Variants in ALPK2 observed in about 807,000 individuals in gnomAD.
The protein encoded by ALPK2 is alpha-protein kinase 2.
A neutral mutation model predicts 163.1 loss-of-function variants in ALPK2; 127 were observed. That is an observed-to-expected ratio of 0.78 (90% CI 0.67 to 0.90). The LOEUF (loss-of-function observed/expected upper bound fraction) is 0.90. ALPK2 is among the 40% of genes least tolerant of loss of function. ALPK2 has a pLI of 0.00. For synonymous variants in ALPK2, 953 were observed against 959.1 expected, an observed-to-expected ratio of 0.99 and a Z score of 0.12; for missense variants, 2,360 against 2,589.6, an observed-to-expected ratio of 0.91 and a Z score of 1.92.
intron 3 of ALPK2, among the ~76,000 whole-genome samples, chr18:58,606,274 C>G (rs1334787068): frequency 6.6e-6 from 1 of 152,064 alleles, no homozygotes; most frequent in African/African-American, 2.4e-5. Context: ...GAGATGAAGT[C>G]TCACTGTGTT....
chr18:58,600,688 T>C (rs1425561832), intron 3 of ALPK2: 2 of 152,308 alleles, frequency 1.3e-5, no homozygotes, highest in South Asian at 2.1e-4. Context: ...CATGTTAGAG[T>C]TCTAGTGGAA....
intron 5 of ALPK2, among the ~76,000 whole-genome samples, chr18:58,531,648 G>GGA (rs1555667370): frequency 4.8e-5 from 5 of 103,582 alleles, no homozygotes; most frequent in South Asian, 3.6e-4. Context: ...GTGATAAGTT[G>GGA]AAAAAAAAAA....
chr18:58,568,631 C>T (rs2051869247), intron 4 of ALPK2, among the ~76,000 whole-genome samples: 1 of 152,258 alleles, frequency 6.6e-6, no homozygotes, highest in African/African-American at 2.4e-5. Flanking sequence ...GTGGATTCAA[C>T]CAATCATGGA....
chr18:58,541,911 G>T (rs1462619756), intron 4 of ALPK2, among the ~76,000 whole-genome samples: 1 of 152,154 alleles, frequency 6.6e-6, no homozygotes, highest in Non-Finnish European at 1.5e-5. Context: ...TTCCCAATGA[G>T]TCAGACCTTT....
intron 4 of ALPK2, among the ~76,000 whole-genome samples, chr18:58,545,527 G>A (rs1220909278): frequency 6.6e-6 from 1 of 152,186 alleles, no homozygotes; most frequent in Admixed American, 6.5e-5. Flanking sequence ...GTAGAGTGGG[G>A]GAGGGAGAAT....
intron 11 of ALPK2, among the ~76,000 whole-genome samples, chr18:58,498,546 G>A (rs2051413171): frequency 1.3e-5 from 2 of 152,218 alleles, no homozygotes; most frequent in Admixed American, 6.5e-5. Context: ...GATAGTCAAT[G>A]CCAATAGCAA....
chr18:58,570,761 C>A (rs1283185193), intron 4 of ALPK2, among the ~76,000 whole-genome samples: 1 of 152,236 alleles, frequency 6.6e-6, no homozygotes, highest in East Asian at 1.9e-4. Context: ...CTTGCTCATT[C>A]TTTCCAAATA....
At chr18:58,485,741 C>G (rs1258901706) in intron 12 of ALPK2, among the ~76,000 whole-genome samples, 1 of 152,212 alleles carries the variant, frequency 6.6e-6, no homozygotes, top group Non-Finnish European at 1.5e-5. Context: ...TGGTGAGACG[C>G]AGGGCCTGCT....
intron 8 of ALPK2, among the ~76,000 whole-genome samples, 175 bp from the exon 9 acceptor site, chr18:58,517,357 G>T: frequency 6.6e-6 from 1 of 152,170 alleles, no homozygotes; most frequent in East Asian, 1.9e-4. Flanking sequence ...AGAGATGAGT[G>T]GTTTGGTGAG....
chr18:58,483,326 C>T (rs2051321184), intron 12 of ALPK2, among the ~76,000 whole-genome samples: 1 of 152,186 alleles, frequency 6.6e-6, no homozygotes, highest in South Asian at 2.1e-4. Context: ...ATATCTCCTG[C>T]TTAAAATCCC....
At chr18:58,543,929 C>A (rs1207824769) in intron 4 of ALPK2, among the ~76,000 whole-genome samples, 1 of 152,118 alleles carries the variant, frequency 6.6e-6, no homozygotes, top group Non-Finnish European at 1.5e-5. Flanking sequence ...TGGGAACTTC[C>A]CCTAATTTAA....
Position 58,536,962 on chromosome 18 carries a change from C to T in ALPK2, c.3225G>A (p.Arg1075=), listed in dbSNP as rs760088961. The change falls in exon 5 of 13, where the codon AGG becomes AGA. Residue 1075 remains arginine, a synonymous_variant. Coordinates refer to ENST00000361673, the MANE Select transcript of ALPK2 (RefSeq NM_052947.4). ...GTGGGACTCCTGGCACACTGGGTGC[C>T]CTGCAAAGTAGCTCTTTTGTAGATT... The part of the protein sequence containing the change: ...TIKSTKELLC[R]APSVPGVPHH... 28 of 1,614,024 alleles carry T rather than the reference C, an allele frequency of 1.7e-5. No individual in the cohort carries two copies. Among genetic ancestry groups the T allele is most frequent in the Non-Finnish European group, 2.1e-5 (25 of 1,180,026 alleles).
intron 1 of ALPK2, among the ~76,000 whole-genome samples, chr18:58,618,208 G>A (rs1453469115): frequency 6.6e-6 from 1 of 152,092 alleles, no homozygotes; most frequent in Admixed American, 6.6e-5. Flanking sequence ...ACCATGCCTG[G>A]CTAATTTTTT....
intron 12 of ALPK2, among the ~76,000 whole-genome samples, chr18:58,483,412 T>C (rs1409044721): frequency 6.6e-6 from 1 of 152,188 alleles, no homozygotes; most frequent in Non-Finnish European, 1.5e-5. Flanking sequence ...TCCCAACCCA[T>C]TGACCTCTTC....
In ALPK2 at chr18:58,481,667, G is replaced by GGT; in HGVS notation, c.*154_*155dup. The GGT allele has an allele frequency of 1.6e-6, 1 of 635,474 alleles. No individual in the cohort carries two copies. The highest frequency in any genetic ancestry group is 2.8e-6 in the Non-Finnish European group (1 of 354,774). 39.4% of individuals were successfully genotyped at this position (635,474 alleles called of 1,614,324 possible). A position where few individuals can be genotyped will look rare whatever the true frequency, so the allele number is the denominator to read the frequency against. ...TGAAATCATTTGAGTGAAGACAGCAGGTGATGGGTTTAGAAGCATCTTGGC... is the reference window on the plus strand; with the variant it reads ...TGAAATCATTTGAGTGAAGACAGCAGGTGTGATGGGTTTAGAAGCATCTTGGC... On this transcript the variant is annotated 3_prime_UTR_variant, in exon 13 of 13. Transcript: ENST00000361673.
chr18:58,519,867 T>C (rs1030059060), intron 8 of ALPK2, among the ~76,000 whole-genome samples: 2 of 152,184 alleles, frequency 1.3e-5, no homozygotes, highest in Non-Finnish European at 2.9e-5. Flanking sequence ...GAGCGCGTCC[T>C]CTTGGTTAGA....
Position 58,495,892 on chromosome 18 carries a change from G to C in ALPK2, c.6296+2157C>G, listed in dbSNP as rs141515600. On this transcript the variant is annotated intron_variant, in intron 12 of 12. Transcript: ENST00000361673. Reference sequence around the variant, plus strand: ...TCACATGCCCACAGTCACACAGCTGGTATGACGAGAAGCCAGGATTCAAAC... The same window carrying C: ...TCACATGCCCACAGTCACACAGCTGCTATGACGAGAAGCCAGGATTCAAAC... 2.5e-3 allele frequency among the ~76,000 whole-genome samples: 378 copies of C among 152,294 alleles called. 6 individuals are homozygous for C. The highest frequency in any genetic ancestry group is 0.02 in the Admixed American group (302 of 15,302).
intron 12 of ALPK2, among the ~76,000 whole-genome samples, chr18:58,491,716 C>T (rs879664743): frequency 6.6e-6 from 1 of 152,218 alleles, no homozygotes; most frequent in Non-Finnish European, 1.5e-5. Flanking sequence ...ATACAGCTGG[C>T]CCTATGTGAA....
intron 3 of ALPK2, 159 bp from the exon 4 acceptor site, chr18:58,580,707 C>T (rs936147668): frequency 2.9e-6 from 2 of 700,626 alleles, no homozygotes; most frequent in African/African-American, 3.6e-5. Context: ...AGGCAACTGA[C>T]CTCTGGGCTC....
Sources: gnomAD v4.1 joint callset for allele counts (sites outside exome capture counted in the v4.1 genomes callset) on GRCh38, gnomAD v4.1.1 for gene constraint, MANE v1.5 for transcripts, NCBI Gene and HGNC (gene_info 2026-07-23, HGNC 2026-07-21) for gene names.